The following HTT variants were observed in gnomAD, a reference collection of about 807,000 sequenced individuals.
The protein encoded by HTT is huntington disease protein.
A neutral mutation model predicts 362.3 loss-of-function variants in HTT; 104 were observed. The ratio of observed to expected loss-of-function variants is 0.29; its 90% CI spans 0.24 to 0.34. HTT has a LOEUF of 0.34. Ranked by LOEUF, HTT falls within the 10% of genes least tolerant of loss-of-function variation. The pLI is 1.00. For synonymous variants in HTT, 1,577 were observed against 1,548.7 expected (o/e 1.02, Z -0.43); for missense variants, 3,301 against 3,928.6 (o/e 0.84, Z 4.27).
At chr4:3,162,035 C>A (rs764442733) in intron 29 of HTT, among the ~76,000 whole-genome samples, 1 of 152,122 alleles carries the variant, frequency 6.6e-6, no homozygotes, top group Non-Finnish European at 1.5e-5. Context: ...AGGTTTTCTT[C>A]TAGGATTTTT....
intron 2 of HTT, among the ~76,000 whole-genome samples, chr4:3,091,393 T>G (rs1242469598): frequency 6.6e-6 from 1 of 152,224 alleles, no homozygotes; most frequent in Non-Finnish European, 1.5e-5. Flanking sequence ...AATGAAATAA[T>G]TTCTTTAAAA....
intron 26 of HTT, among the ~76,000 whole-genome samples, chr4:3,150,403 G>T (rs903599354): frequency 6.6e-6 from 1 of 152,178 alleles, no homozygotes; most frequent in South Asian, 2.1e-4. Flanking sequence ...TGTCTTCAGT[G>T]TCTAGATGAG....
intron 28 of HTT, among the ~76,000 whole-genome samples, 166 bp downstream of exon 28, chr4:3,157,365 C>G (rs1200527894): frequency 6.6e-6 from 1 of 152,128 alleles, no homozygotes; most frequent in Non-Finnish European, 1.5e-5. Context: ...ATGATAGCTT[C>G]TATCATACAG....
chr4:3,170,518 A>G (rs535795831), intron 29 of HTT, among the ~76,000 whole-genome samples: 38 of 152,214 alleles, frequency 2.5e-4, no homozygotes, highest in African/African-American at 8.9e-4. Flanking sequence ...TCTCACACAC[A>G]TATCTCTGCT....
At chr4:3,171,607 A>G (rs1717979817) in intron 29 of HTT, among the ~76,000 whole-genome samples, 1 of 151,862 alleles carries the variant, frequency 6.6e-6, no homozygotes, top group African/African-American at 2.4e-5. Context: ...CCTCTCAAGT[A>G]GCTGGGATTA....
At position 3,218,953 on chromosome 4, in the gene HTT, G is replaced by T. The variant is rs1720547084; in HGVS notation, c.7242+1001G>T. Among the ~76,000 whole-genome samples, 1 of 152,240 alleles carries T rather than the reference G, an allele frequency of 6.6e-6. No homozygotes were observed. On this transcript the variant is annotated intron_variant, in intron 52 of 66. Coordinates refer to ENST00000355072, the MANE Select transcript of HTT (RefSeq NM_001388492.1). This position sits in a 1 kb window ranked among gnomAD's most constrained non-coding sequence, Gnocchi z 4.4. ...CCTGCCTGTGTGTGTGTGTGCACGT[G>T]TGTGTATGTATGCTGGAGAGTCTAG...
chr4:3,137,576 G>T (rs1002169743), intron 21 of HTT, among the ~76,000 whole-genome samples: 1 of 152,108 alleles, frequency 6.6e-6, no homozygotes, highest in Non-Finnish European at 1.5e-5. Flanking sequence ...GCACACGCCT[G>T]TAATCCCAGC....
chr4:3,138,180 C>CGCCT (rs57466122), intron 21 of HTT, among the ~76,000 whole-genome samples: 4 of 126,136 alleles, frequency 3.2e-5, no homozygotes, highest in South Asian at 4.5e-4. Flanking sequence ...TTCCCCTTCC[C>CGCCT]GCCTGCCTGC....
At chr4:3,183,131 C>G (rs1199268202) in intron 37 of HTT, among the ~76,000 whole-genome samples, 1 of 152,250 alleles carries the variant, frequency 6.6e-6, no homozygotes, top group Non-Finnish European at 1.5e-5. Flanking sequence ...ATCCACCAAC[C>G]TTGGCCTGCC....
chr4:3,193,613 C>T (rs1020815169), intron 40 of HTT, among the ~76,000 whole-genome samples: 33 of 152,192 alleles, frequency 2.2e-4, no homozygotes, highest in African/African-American at 7.2e-4. Flanking sequence ...AATATTGTTA[C>T]TGTTGAAGTG....
intron 25 of HTT, 58 bp from the exon 26 acceptor site, chr4:3,147,947 C>T: frequency 7.2e-7 from 1 of 1,382,684 alleles, no homozygotes; most frequent in East Asian, 2.3e-5. Flanking sequence ...GTTCCCCAAG[C>T]AATTTGTCCT....
Position 3,206,538 on chromosome 4 carries a change from G to A in HTT, c.5761G>A (p.Val1921Ile). ...CTCCGAGCACTTAACGTGGCTCATT[G>A]TAAATCACATTCAAGATCTGATCAG... is the stretch of plus-strand genomic sequence containing the variant. ...HDSEHLTWLI[V>I]NHIQDLISLS... Residue 1921 changes from valine to isoleucine, a missense_variant, in exon 43 of 67, where the codon GTA becomes ATA. Physicochemically the swap from Val to Ile is conservative, Grantham distance 29 (BLOSUM62 3). Coordinates refer to ENST00000355072, the MANE Select transcript of HTT (RefSeq NM_001388492.1). This position sits in a 1 kb window ranked among gnomAD's most constrained non-coding sequence, Gnocchi z 4.6. The A allele has an allele frequency of 2.5e-6, 4 of 1,614,078 alleles. No individual in the cohort carries two copies. The highest frequency in any genetic ancestry group is 1.3e-5 in the African/African-American group (1 of 75,020).
At chr4:3,174,925 T>G (rs927668126) in intron 32 of HTT, 21 bp from the exon 33 acceptor site, 2 of 1,550,298 alleles carry the variant, frequency 1.3e-6, no homozygotes, top group African/African-American at 2.8e-5. Context: ...GATTCTTTCT[T>G]TCTTTTTTTC....
intron 29 of HTT, 115 bp from the exon 30 acceptor site, chr4:3,172,205 T>A: frequency 1.4e-6 from 1 of 727,308 alleles, no homozygotes; most frequent in African/African-American, 1.8e-5. Flanking sequence ...CTGATTTTCC[T>A]CTACTATTTA....
chr4:3,078,282 G>A (rs891809114), intron 1 of HTT, among the ~76,000 whole-genome samples: 4 of 152,196 alleles, frequency 2.6e-5, no homozygotes, highest in African/African-American at 9.7e-5. Context: ...ACTGTTATAG[G>A]TGCAGGGCTC....
chr4:3,209,925 T>G lies in HTT; in HGVS notation c.6390T>G (p.Asp2130Glu). 1 of 1,614,108 alleles carries G rather than the reference T, an allele frequency of 6.2e-7. No individual in the cohort carries two copies. Among genetic ancestry groups the G allele is most frequent in the Non-Finnish European group, 8.5e-7 (1 of 1,179,960 alleles). ...AELVNRIPAE[D>E]MNAFMMNSEF... ...TGGTGAATCGGATTCCTGCTGAAGA[T>G]ATGAATGCCTTCATGATGAACTCGG... The change falls in exon 47 of 67, where the codon GAT becomes GAG. Residue 2130 changes from aspartate to glutamate, a missense_variant. Physicochemically the swap from Asp to Glu is conservative, Grantham distance 45 (BLOSUM62 2). Coordinates refer to ENST00000355072, the MANE Select transcript of HTT (RefSeq NM_001388492.1).
chr4:3,219,216 A>C (rs1383928589), intron 52 of HTT, among the ~76,000 whole-genome samples: 4 of 152,176 alleles, frequency 2.6e-5, no homozygotes, highest in Admixed American at 2.6e-4. Context: ...CTCTTGGTGC[A>C]CAGCGAGTCA....
chr4:3,175,385 T>C (rs1718191384), intron 33 of HTT, among the ~76,000 whole-genome samples: 1 of 152,190 alleles, frequency 6.6e-6, no homozygotes, highest in African/African-American at 2.4e-5. Flanking sequence ...TTGCCTCCCC[T>C]CCAAAATAAG....
At chr4:3,128,551 C>T (rs953626766) in intron 12 of HTT, 1 of 152,108 alleles carries the variant, frequency 6.6e-6, no homozygotes, top group Non-Finnish European at 1.5e-5. Flanking sequence ...GATCTGTGGT[C>T]TTAATGAAAT....
Sources: gnomAD v4.1 joint callset for allele counts (sites outside exome capture counted in the v4.1 genomes callset) on GRCh38, gnomAD v4.1.1 for gene constraint, Gnocchi (gnomAD v3.1) non-coding constraint, MANE v1.5 for transcripts, NCBI Gene and HGNC (gene_info 2026-07-23, HGNC 2026-07-21) for gene names.